DCBLD2: variants seen among roughly 807,000 people sequenced by gnomAD.
The protein encoded by DCBLD2 is discoidin, CUB and LCCL domain containing 2, also known as discoidin, CUB and LCCL domain-containing protein 2.
A neutral mutation model predicts 86.8 loss-of-function variants in DCBLD2; 54 were observed. That is an observed-to-expected ratio of 0.62 (90% CI 0.50 to 0.78). The LOEUF is 0.78. DCBLD2 is among the 30% of genes least tolerant of loss of function. DCBLD2 has a pLI of 0.00. For synonymous variants in DCBLD2, 354 were observed against 341.3 expected (o/e 1.04, Z -0.41); for missense variants, 908 against 954.2 (o/e 0.95, Z 0.64).
chr3:98,880,569 G>A (rs1416489362), intron 2 of DCBLD2, among the ~76,000 whole-genome samples: 1 of 152,140 alleles, frequency 6.6e-6, no homozygotes. Context: ...GTCTAGGATG[G>A]TAACTGGGTT....
At chr3:98,896,269 T>A (rs1289076366) in intron 1 of DCBLD2, among the ~76,000 whole-genome samples, 1 of 152,232 alleles carries the variant, frequency 6.6e-6, no homozygotes, top group African/African-American at 2.4e-5. Context: ...TCTGTCCTCA[T>A]AGGTTGTACT....
Position 98,839,094 on chromosome 3 carries a change from T to G in DCBLD2, c.571+10367A>C, listed in dbSNP as rs922327045. On this transcript the variant is annotated intron_variant, in intron 3 of 15. Transcript: ENST00000326840. ...TGATCTGTGACCTTACCCCCAACCC[T>G]GTGCTCCCTTCTTTCTTTCTTTCTT... 6.5e-4 allele frequency among the ~76,000 whole-genome samples: 96 copies of G among 148,684 alleles called. 2 individuals carry two copies. The highest frequency in any genetic ancestry group is 2.3e-3 in the Admixed American group (34 of 14,946).
At chr3:98,817,932 C>A in intron 8 of DCBLD2, 39 bp from the exon 9 acceptor site, 1 of 1,604,320 alleles carries the variant, frequency 6.2e-7, no homozygotes, top group South Asian at 1.1e-5. Context: ...TGCACATGGT[C>A]TGATTCCCTA....
chr3:98,893,995 A>G (rs974196219), intron 1 of DCBLD2, among the ~76,000 whole-genome samples: 3 of 152,208 alleles, frequency 2.0e-5, no homozygotes, highest in African/African-American at 4.8e-5. Context: ...TCTTGTAACT[A>G]TGAGCTATCC....
At chr3:98,885,753 G>A (rs1042527496) in intron 1 of DCBLD2, among the ~76,000 whole-genome samples, 5 of 151,834 alleles carry the variant, frequency 3.3e-5, no homozygotes, top group African/African-American at 1.2e-4. Context: ...AACCAATTAT[G>A]TAATACACTT....
chr3:98,823,836 T>C (rs1275164444), intron 4 of DCBLD2, among the ~76,000 whole-genome samples: 3 of 152,148 alleles, frequency 2.0e-5, no homozygotes, highest in Non-Finnish European at 4.4e-5. Flanking sequence ...TTCACACAGT[T>C]AGCAGGTAGC....
intron 13 of DCBLD2, among the ~76,000 whole-genome samples, chr3:98,803,190 T>C (rs865987544): frequency 6.6e-6 from 1 of 152,338 alleles, no homozygotes; most frequent in East Asian, 1.9e-4. Context: ...GCATGGAATG[T>C]TCTTCCATTT....
chr3:98,863,977 T>C (rs967092219), intron 2 of DCBLD2, among the ~76,000 whole-genome samples: 2 of 152,190 alleles, frequency 1.3e-5, no homozygotes, highest in Admixed American at 6.5e-5. Context: ...GGGCTAATAT[T>C]GAGAATCTAC....
In DCBLD2 at chr3:98,819,301, T is replaced by G; in HGVS notation, c.988A>C (p.Lys330Gln). 1 of 1,613,908 alleles carries G rather than the reference T, an allele frequency of 6.2e-7. No homozygotes were observed. The highest frequency in any genetic ancestry group is 1.1e-5 in the South Asian group (1 of 91,062). ...GGTCCAGGTTTTTTCAGCCTGGCTT[T>G]TTTGGGTTTCCAACTGTTCTCTTGC... ...TGQENSWKPK[K>Q]ARLKKPGPPW... The change falls in exon 8 of 16, where the codon AAA becomes CAA. Residue 330 changes from lysine to glutamine, a missense_variant. Lys to Gln is a moderately conservative substitution (Grantham distance 53, BLOSUM62 1). Around this residue, in one of 3 missense-constraint regions of DCBLD2, gnomAD observed 606 missense variants for 678.5 expected, o/e 0.89. Transcript: ENST00000326840.
chr3:98,869,563 G>T (rs1395030680), intron 2 of DCBLD2, among the ~76,000 whole-genome samples: 3 of 152,174 alleles, frequency 2.0e-5, no homozygotes, highest in Non-Finnish European at 4.4e-5. Flanking sequence ...ATGGTTTCAG[G>T]TCTTACATTT....
chr3:98,863,639 C>T (rs1943087019), intron 2 of DCBLD2, among the ~76,000 whole-genome samples: 2 of 152,264 alleles, frequency 1.3e-5, no homozygotes, highest in Non-Finnish European at 2.9e-5. Context: ...ATAAATGGTG[C>T]TGGGAAAACT....
In DCBLD2 at chr3:98,798,313, A is replaced by C. The variant is rs1178734157; in HGVS notation, c.*1059T>G. The C allele has an allele frequency of 6.6e-6, 1 of 152,254 alleles. No homozygotes were observed. The highest frequency in any genetic ancestry group is 1.9e-4 in the East Asian group (1 of 5,200). The allele number at this position is 152,254 out of a possible 1,614,324, so 9.4% of individuals were successfully genotyped here. ...CTGACTAAAAATATAAAATACCTTG[A>C]GACTCAAGAAAAATGTATATGTTTG... On this transcript the variant is annotated 3_prime_UTR_variant, in exon 16 of 16. Coordinates refer to ENST00000326840, the MANE Select transcript of DCBLD2 (RefSeq NM_080927.4).
At chr3:98,824,238 T>A (rs1942174552) in intron 4 of DCBLD2, among the ~76,000 whole-genome samples, 2 of 152,120 alleles carry the variant, frequency 1.3e-5, no homozygotes, top group African/African-American at 4.8e-5. Flanking sequence ...TTAGTATTTT[T>A]AAAAAAGATT....
intron 2 of DCBLD2, among the ~76,000 whole-genome samples, chr3:98,853,307 A>G (rs1942873648): frequency 8.2e-6 from 1 of 121,532 alleles, no homozygotes; most frequent in African/African-American, 3.1e-5. Flanking sequence ...CTGAATTTCC[A>G]ACTTCTCTTG....
chr3:98,816,671 G>GA (rs1261001972), intron 9 of DCBLD2, among the ~76,000 whole-genome samples: 1 of 152,064 alleles, frequency 6.6e-6, no homozygotes. Flanking sequence ...AAAGAGATGA[G>GA]AAAAGTAGTA....
intron 13 of DCBLD2, among the ~76,000 whole-genome samples, chr3:98,803,375 G>C (rs1245126106): frequency 6.6e-6 from 1 of 152,170 alleles, no homozygotes; most frequent in Non-Finnish European, 1.5e-5. Context: ...GAATGCTTGT[G>C]ATTTTTGTAC....
chr3:98,811,242 C>A lies in DCBLD2; in HGVS notation c.1528G>T (p.Ala510Ser), dbSNP rs1036928587. The A allele has an allele frequency of 2.0e-5, 32 of 1,611,752 alleles. No homozygotes were observed. The highest frequency in any genetic ancestry group is 2.6e-5 in the Non-Finnish European group (31 of 1,179,164). The change falls in exon 12 of 16, where the codon GCC (alanine) becomes TCC (serine). Residue 510 changes from alanine to serine, a missense_variant. By Grantham distance (99) the Ala-to-Ser change is moderately conservative. Around this residue, in one of 3 missense-constraint regions of DCBLD2, gnomAD observed 606 missense variants for 678.5 expected, o/e 0.89. Coordinates refer to ENST00000326840, the MANE Select transcript of DCBLD2 (RefSeq NM_080927.4). ...GTAGTATTTCTGATATCAGGACTGG[C>A]AGTTGTTTGTTCTGTCTGTGCAGGA... ...EFPAQTEQTT[A>S]SPDIRNTTVT... is the part of the protein sequence containing the mutation.
At chr3:98,870,215 G>A (rs1943234696) in intron 2 of DCBLD2, among the ~76,000 whole-genome samples, 1 of 152,094 alleles carries the variant, frequency 6.6e-6, no homozygotes, top group Non-Finnish European at 1.5e-5. Flanking sequence ...CCCATTGTAT[G>A]TTTCAGTCTG....
intron 2 of DCBLD2, among the ~76,000 whole-genome samples, chr3:98,870,567 T>C (rs1273269483): frequency 1.4e-5 from 2 of 147,024 alleles, no homozygotes; most frequent in Non-Finnish European, 1.5e-5. Flanking sequence ...TAAGCCAAGA[T>C]TGCACAACTG....
Sources: gnomAD v4.1 joint callset for allele counts (sites outside exome capture counted in the v4.1 genomes callset) on GRCh38, gnomAD v4.1.1 for gene constraint, gnomAD v4.1.1 regional missense constraint, MANE v1.5 for transcripts, NCBI Gene and HGNC (gene_info 2026-07-23, HGNC 2026-07-21) for gene names.